Variants in INPP5D observed in about 807,000 individuals in gnomAD.
INPP5D encodes the protein inositol polyphosphate-5-phosphatase D, also known as phosphatidylinositol 3,4,5-trisphosphate 5-phosphatase 1.
In INPP5D, 33 loss-of-function variants were observed where a neutral mutation model predicts 122.9. The observed-to-expected ratio is 0.27, with a 90% CI of 0.20 to 0.36. The LOEUF (loss-of-function observed/expected upper bound fraction) is 0.36. INPP5D is among the 10% of genes least tolerant of loss of function. The pLI, the probability that INPP5D is intolerant of heterozygous loss-of-function variation, is 1.00. For missense variants in INPP5D, 1,053 were observed against 1,412.7 expected (o/e 0.75, Z 4.08); for synonymous variants, 584 against 576.2 (o/e 1.01, Z -0.19).
chr2:233,184,271 C>G, intron 19 of INPP5D, 137 bp from the exon 20 acceptor site: 1 of 1,278,542 alleles, frequency 7.8e-7, no homozygotes, highest in Non-Finnish European at 1.1e-6. Context: ...TTCGCTGTAG[C>G]TTTAGTTCTC....
intron 2 of INPP5D, among the ~76,000 whole-genome samples, chr2:233,086,152 TC>T (rs1691834873): frequency 6.9e-6 from 1 of 145,356 alleles, no homozygotes; most frequent in African/African-American, 2.6e-5. Flanking sequence ...TTTCTTTCTT[TC>T]TTTCTTTCTT....
intron 5 of INPP5D, chr2:233,133,995 T>A (rs1574754564): frequency 4.4e-6 from 2 of 456,368 alleles, no homozygotes; most frequent in African/African-American, 4.0e-5. Flanking sequence ...TGCTGAGAAC[T>A]GGTGTGACCT....
At chr2:233,124,827 C>T (rs753781064) in intron 3 of INPP5D, among the ~76,000 whole-genome samples, 25 of 152,384 alleles carry the variant, frequency 1.6e-4, no homozygotes, top group Non-Finnish European at 2.8e-4. Flanking sequence ...CAAACGAGGT[C>T]GCCCAGTTGT....
rs1413310246 is a variant in INPP5D at position 233,189,995 on chromosome 2, C to T, written c.2446+58C>T. 2 of 1,595,488 alleles carry T rather than the reference C, an allele frequency of 1.3e-6. No individual in the cohort carries two copies. Among genetic ancestry groups the T allele is most frequent in the African/African-American group, 2.7e-5 (2 of 74,552 alleles). ...TGTGAACTGGCGGCCTCTGACGTAG[C>T]ATTGCCTTCAGGGGAGCTCACCTGG... On this transcript the variant is annotated intron_variant, in intron 22 of 26. Coordinates refer to ENST00000445964, the MANE Select transcript of INPP5D (RefSeq NM_001017915.3). This position sits in a 1 kb window ranked among gnomAD's most constrained non-coding sequence, Gnocchi z 5.6.
In INPP5D at chr2:233,163,735, G is replaced by C. The variant is rs377021577; in HGVS notation, c.1269G>C (p.Thr423=). 5 of 1,613,676 alleles carry C rather than the reference G, an allele frequency of 3.1e-6. No homozygotes were observed. Among genetic ancestry groups the C allele is most frequent in the Non-Finnish European group, 4.2e-6 (5 of 1,179,860 alleles). The change falls in exon 12 of 27, where the codon ACG becomes ACC. Residue 423 remains threonine (T), a synonymous_variant. Coordinates refer to ENST00000445964, the MANE Select transcript of INPP5D (RefSeq NM_001017915.3). The part of the protein sequence containing the change: ...MGNAPPPKKI[T]SWFLSKGQGK... ...ACGCCCCCCCTCCCAAGAAGATCAC[G>C]TCCTGGTTTCTCTCCAAGGGGCAGG...
rs752878693 is a variant in INPP5D at position 233,204,494 on chromosome 2, C to G, written c.3344C>G (p.Pro1115Arg). 6.3e-7 allele frequency: 1 copy of G among 1,582,292 alleles called. No homozygotes were observed. Among genetic ancestry groups the G allele is most frequent in the African/African-American group, 1.3e-5 (1 of 74,306 alleles). ...AAGACCCCGGTCAGCTCCCAGGCCC[C>G]GGTGCCGGCCAAGAGGCCCATCAAG... ...KPKTPVSSQA[P>R]VPAKRPIKPS... Residue 1115 changes from proline to arginine, a missense_variant, in exon 26 of 27, where the codon CCG becomes CGG. Transcript: ENST00000445964.
At chr2:233,086,689 G>C (rs1348113949) in intron 2 of INPP5D, among the ~76,000 whole-genome samples, 1 of 152,116 alleles carries the variant, frequency 6.6e-6, no homozygotes, top group Non-Finnish European at 1.5e-5. Context: ...TCTGTTTTGT[G>C]AGTTAATTAA....
chr2:233,117,396 G>A (rs183492905), intron 2 of INPP5D, among the ~76,000 whole-genome samples: 2 of 152,214 alleles, frequency 1.3e-5, no homozygotes, highest in East Asian at 1.9e-4. Flanking sequence ...CAGTTCATTC[G>A]CTTCCCTGCC....
rs1413116201 is a variant in INPP5D at position 233,164,477 on chromosome 2, G to A, written c.1555+53G>A. On this transcript the variant is annotated intron_variant, in intron 13 of 26. Coordinates refer to ENST00000445964, the MANE Select transcript of INPP5D (RefSeq NM_001017915.3). This position sits in a 1 kb window ranked among gnomAD's most constrained non-coding sequence, Gnocchi z 4.3. ...TCCCACACCCTCTGCCTCAACTCTC[G>A]CGACCACATCATCCTGATCCCACCA... is the stretch of plus-strand genomic sequence containing the variant. 28 of 1,494,942 alleles carry A rather than the reference G, an allele frequency of 1.9e-5. No individual in the cohort carries two copies. The highest frequency in any genetic ancestry group is 8.3e-5 in the African/African-American group (6 of 72,236). The allele number at this position is 1,494,942 out of a possible 1,614,324, so 92.6% of individuals were successfully genotyped here.
intron 3 of INPP5D, among the ~76,000 whole-genome samples, chr2:233,124,828 G>A (rs1163522711): frequency 1.3e-5 from 2 of 152,242 alleles, no homozygotes; most frequent in South Asian, 2.1e-4. Context: ...AAACGAGGTC[G>A]CCCAGTTGTC....
chr2:233,136,477 T>TAA (rs56838121), intron 5 of INPP5D, among the ~76,000 whole-genome samples: 1 of 145,140 alleles, frequency 6.9e-6, no homozygotes. Flanking sequence ...AGACCGCGTT[T>TAA]AAAAAAAAAA....
chr2:233,087,319 T>TA (rs1382049897), intron 2 of INPP5D, among the ~76,000 whole-genome samples: 3 of 151,812 alleles, frequency 2.0e-5, no homozygotes, highest in Admixed American at 6.6e-5. Flanking sequence ...TATATTATAT[T>TA]TATTTATTTA....
In INPP5D at chr2:233,164,523, C is replaced by T; in HGVS notation, c.1555+99C>T. On this transcript the variant is annotated intron_variant, in intron 13 of 26. Coordinates refer to ENST00000445964, the MANE Select transcript of INPP5D (RefSeq NM_001017915.3). This position sits in a 1 kb window ranked among gnomAD's most constrained non-coding sequence, Gnocchi z 4.3. Reference sequence around the variant, plus strand: ...CACCAGTAGTTCCCCGGGTTAAAAACAGAGAGCCTCACATCCTCAGATCCT... The same window carrying T: ...CACCAGTAGTTCCCCGGGTTAAAAATAGAGAGCCTCACATCCTCAGATCCT... The T allele has an allele frequency of 7.2e-7, 1 of 1,397,612 alleles. No individual in the cohort carries two copies. Among genetic ancestry groups the T allele is most frequent in the Non-Finnish European group, 9.4e-7 (1 of 1,061,502 alleles). The allele number at this position is 1,397,612 out of a possible 1,614,324, so 86.6% of individuals were successfully genotyped here. A position where few individuals can be genotyped will look rare whatever the true frequency, so the allele number is the denominator to read the frequency against.
chr2:233,138,324 A>G (rs1465013336), intron 5 of INPP5D, among the ~76,000 whole-genome samples: 1 of 149,416 alleles, frequency 6.7e-6, no homozygotes, highest in African/African-American at 2.5e-5. Flanking sequence ...AAAAAAAAAA[A>G]GCAAAGCAAT....
At chr2:233,081,111 C>T (rs1285037037) in intron 2 of INPP5D, among the ~76,000 whole-genome samples, 1 of 152,220 alleles carries the variant, frequency 6.6e-6, no homozygotes, top group Non-Finnish European at 1.5e-5. Context: ...TTAGCAGTCA[C>T]CAGGAGCAGA....
chr2:233,112,040 G>A (rs534749183), intron 2 of INPP5D, among the ~76,000 whole-genome samples: 77 of 148,606 alleles, frequency 5.2e-4, no homozygotes, highest in African/African-American at 1.9e-3. Flanking sequence ...CTCCAGCCTG[G>A]ACAACAGAGT....
At chr2:233,162,795 G>A (rs1396247035) in intron 11 of INPP5D, among the ~76,000 whole-genome samples, 4 of 152,220 alleles carry the variant, frequency 2.6e-5, no homozygotes, top group Admixed American at 2.6e-4. Context: ...AGCAGCCGTG[G>A]AGTAGAGCCC....
chr2:233,150,280 T>C (rs1406969793), intron 9 of INPP5D, among the ~76,000 whole-genome samples: 2 of 152,158 alleles, frequency 1.3e-5, no homozygotes, highest in African/African-American at 4.8e-5. Flanking sequence ...AGTGAATAAA[T>C]CTCATGAGAT....
intron 25 of INPP5D, among the ~76,000 whole-genome samples, chr2:233,199,943 C>T (rs1695289916): frequency 6.6e-6 from 1 of 152,224 alleles, no homozygotes; most frequent in Non-Finnish European, 1.5e-5. Context: ...CTCGCACCCT[C>T]CAGTTCCCCT....
Sources: allele counts gnomAD v4.1 joint callset (sites outside exome capture counted in the v4.1 genomes callset), GRCh38; gene constraint gnomAD v4.1.1; non-coding constraint Gnocchi (gnomAD v3.1); transcripts MANE v1.5; gene names NCBI Gene and HGNC (gene_info 2026-07-23, HGNC 2026-07-21).